WDPCP: variants seen among roughly 807,000 people sequenced by gnomAD.
WDPCP encodes WD repeat containing planar cell polarity effector.
In WDPCP, 71 loss-of-function variants were observed where a neutral mutation model predicts 93.1. The ratio of observed to expected loss-of-function variants is 0.76; its 90% CI spans 0.63 to 0.93. WDPCP has a LOEUF of 0.93. Among genes scored for constraint, WDPCP ranks in the 40% least tolerant of loss-of-function variants. The pLI, the probability that WDPCP is intolerant of heterozygous loss-of-function variation, is 0.00. For synonymous variants in WDPCP, 315 were observed against 315.0 expected (o/e 1.00, Z 0.00); for missense variants, 844 against 887.4 (o/e 0.95, Z 0.62).
At chr2:63,306,325 G>C (rs571846027) in intron 13 of WDPCP, among the ~76,000 whole-genome samples, 1 of 152,018 alleles carries the variant, frequency 6.6e-6, no homozygotes. Context: ...AGAGGAGCTG[G>C]TACCATTCCT....
chr2:63,616,630 C>T (rs1709675589), intron 3 of WDPCP, among the ~76,000 whole-genome samples: 1 of 152,270 alleles, frequency 6.6e-6, no homozygotes, highest in South Asian at 2.1e-4. Flanking sequence ...TAGTGGACAA[C>T]TTTGCTTATG....
At chr2:63,588,604 GTC>G (rs1353912433), upstream of WDPCP, 3 of 513,532 alleles carry the variant, frequency 5.8e-6, no homozygotes, top group Non-Finnish European at 1.1e-5. Flanking sequence ...TGCAGTCTCA[GTC>G]ACGCGCGTGG....
chr2:63,276,493 A>C (rs1489075439), intron 13 of WDPCP, among the ~76,000 whole-genome samples: 1 of 152,180 alleles, frequency 6.6e-6, no homozygotes, highest in African/African-American at 2.4e-5. Context: ...AGGGTATGAA[A>C]AGAAAAATCT....
At chr2:63,458,545 A>T (rs530360994) in intron 6 of WDPCP, among the ~76,000 whole-genome samples, 6 of 152,310 alleles carry the variant, frequency 3.9e-5, no homozygotes, top group African/African-American at 1.4e-4. Context: ...TTAGTGAAAG[A>T]TCTCTACAAG....
chr2:63,472,017 A>C (rs1246531350), intron 6 of WDPCP, among the ~76,000 whole-genome samples: 1 of 152,120 alleles, frequency 6.6e-6, no homozygotes, highest in Non-Finnish European at 1.5e-5. Flanking sequence ...TACATGTGAC[A>C]ATTTAGAATT....
chr2:63,578,791 G>T (rs1182355716), intron 1 of WDPCP, among the ~76,000 whole-genome samples: 1 of 152,180 alleles, frequency 6.6e-6, no homozygotes, highest in East Asian at 1.9e-4. Context: ...AGCTAGGACA[G>T]GTAACACAGA....
At chr2:63,320,759 AAG>A (rs1388031235) in intron 12 of WDPCP, among the ~76,000 whole-genome samples, 3 of 105,358 alleles carry the variant, frequency 2.8e-5, no homozygotes, top group Non-Finnish European at 5.4e-5. Context: ...AAGGAAGGAA[AAG>A]AGGAGTGAAG....
intron 6 of WDPCP, among the ~76,000 whole-genome samples, chr2:63,473,732 A>C (rs1183823894): frequency 6.6e-6 from 1 of 152,014 alleles, no homozygotes; most frequent in East Asian, 1.9e-4. Flanking sequence ...CCATTGCTTT[A>C]CTATAATTTA....
intron 2 of WDPCP, among the ~76,000 whole-genome samples, chr2:63,704,192 G>A (rs1284059167): frequency 6.6e-6 from 1 of 152,204 alleles, no homozygotes; most frequent in Non-Finnish European, 1.5e-5. Flanking sequence ...AGCTTAAGGA[G>A]ATTTTGGCTG....
chr2:63,121,834 T>C lies in WDPCP; in HGVS notation c.*172A>G. On this transcript the variant is annotated 3_prime_UTR_variant, in exon 18 of 18. Transcript: ENST00000272321. ...ATCACTTTGCTGTTATGCTGCATGT[T>C]TTTGAAATAATAAAACTTTATTTTG... 7.2e-7 allele frequency: 1 copy of C among 1,396,280 alleles called. No homozygotes were observed. The highest frequency in any genetic ancestry group is 9.4e-7 in the Non-Finnish European group (1 of 1,068,564). The allele number at this position is 1,396,280 out of a possible 1,614,324, so 86.5% of individuals were successfully genotyped here. A position where few individuals can be genotyped will look rare whatever the true frequency, so the allele number is the denominator to read the frequency against.
chr2:63,218,208 A>G (rs1258891672), intron 14 of WDPCP, among the ~76,000 whole-genome samples: 1 of 152,188 alleles, frequency 6.6e-6, no homozygotes, highest in African/African-American at 2.4e-5. Flanking sequence ...GTTTCTGGTC[A>G]GTGAAGGAGG....
At chr2:63,465,236 C>A (rs1489728251) in intron 6 of WDPCP, among the ~76,000 whole-genome samples, 1 of 152,024 alleles carries the variant, frequency 6.6e-6, no homozygotes, top group East Asian at 1.9e-4. Flanking sequence ...CATAATAAAC[C>A]TATGACTTAG....
At chr2:63,265,178 A>G (rs1575013917) in intron 13 of WDPCP, among the ~76,000 whole-genome samples, 1 of 152,300 alleles carries the variant, frequency 6.6e-6, no homozygotes, top group South Asian at 2.1e-4. Context: ...GAAGGAAATA[A>G]TAGAGAAAAA....
At chr2:63,338,080 A>G (rs7582434) in intron 12 of WDPCP, among the ~76,000 whole-genome samples, 121,852 of 152,062 alleles carry the variant, frequency 0.8, 49,702 homozygotes, top group East Asian at 0.96. Context: ...TCAAAAACCA[A>G]TATCCCAGAG....
rs559962574 is a variant in WDPCP at position 63,532,230 on chromosome 2, G to A, written c.76-39290C>T. Among the ~76,000 whole-genome samples the A allele has an allele frequency of 3.9e-5, 6 of 152,318 alleles. No homozygotes were observed. In the South Asian group the frequency reaches 1.2e-3, roughly 32 times the overall value. ...TAATATGTGAAAAGACCAAATCTACGTCTGATTGGTGTACCTGAAAGTGAT... is the reference window on the plus strand; with the variant it reads ...TAATATGTGAAAAGACCAAATCTACATCTGATTGGTGTACCTGAAAGTGAT... On this transcript the variant is annotated intron_variant, in intron 1 of 17. Transcript: ENST00000272321.
chr2:63,578,494 A>T (rs1708269593), intron 1 of WDPCP, among the ~76,000 whole-genome samples: 1 of 152,184 alleles, frequency 6.6e-6, no homozygotes, highest in Non-Finnish European at 1.5e-5. Context: ...CATGAAAAGA[A>T]ATATGTGTTC....
intron 13 of WDPCP, among the ~76,000 whole-genome samples, chr2:63,266,394 C>T (rs1682119794): frequency 6.6e-6 from 1 of 152,024 alleles, no homozygotes. Context: ...AAAACAATTC[C>T]ATTTATACTA....
At chr2:63,154,201 A>T (rs1412974836) in intron 15 of WDPCP, among the ~76,000 whole-genome samples, 1 of 151,996 alleles carries the variant, frequency 6.6e-6, no homozygotes, top group Non-Finnish European at 1.5e-5. Flanking sequence ...TAAGGTATAG[A>T]GTTTTGTGAA....
intron 13 of WDPCP, among the ~76,000 whole-genome samples, chr2:63,263,141 G>C (rs1243659069): frequency 6.6e-6 from 1 of 152,030 alleles, no homozygotes; most frequent in Non-Finnish European, 1.5e-5. Context: ...TTAGGATCTG[G>C]TGAAAGACAT....
Sources: allele counts gnomAD v4.1 joint callset (sites outside exome capture counted in the v4.1 genomes callset), GRCh38; gene constraint gnomAD v4.1.1; transcripts MANE v1.5; gene names NCBI Gene and HGNC (gene_info 2026-07-23, HGNC 2026-07-21).